KMT2A: variants seen among roughly 807,000 people sequenced by gnomAD.
The protein encoded by KMT2A is lysine methyltransferase 2A, also known as histone-lysine N-methyltransferase 2A.
A neutral mutation model predicts 345.3 loss-of-function variants in KMT2A; 16 were observed. That is an observed-to-expected ratio of 0.05 (90% CI 0.03 to 0.07). The LOEUF (loss-of-function observed/expected upper bound fraction) is 0.07, where lower values mean the gene tolerates loss of function less well. Ranked by LOEUF, KMT2A falls within the 10% of genes least tolerant of loss-of-function variation. The pLI, the probability that KMT2A is intolerant of heterozygous loss-of-function variation, is 1.00. For missense variants in KMT2A, 3,272 were observed against 4,841.6 expected (o/e 0.68, Z 9.62); for synonymous variants, 1,599 against 1,778.6 (o/e 0.90, Z 2.54).
intron 30 of KMT2A, among the ~76,000 whole-genome samples, chr11:118,511,696 T>C (rs1265266792): frequency 1.3e-5 from 2 of 152,214 alleles, no homozygotes; most frequent in Non-Finnish European, 2.9e-5. Flanking sequence ...TCAGAGTTCA[T>C]TTCAGAAGGT....
chr11:118,463,474 A>T (rs1949785536), intron 1 of KMT2A, among the ~76,000 whole-genome samples: 1 of 152,240 alleles, frequency 6.6e-6, no homozygotes, highest in South Asian at 2.1e-4. Flanking sequence ...TAATTCAGGA[A>T]AAGAATGAAT....
chr11:118,505,450 C>T lies in KMT2A; in HGVS notation c.9558C>T (p.Gly3186=), dbSNP rs782530588. The T allele has an allele frequency of 1.9e-6, 3 of 1,614,176 alleles. No homozygotes were observed. The South Asian group carries it at 3.3e-5, about 18-fold the overall frequency. Residue 3186 remains glycine, a synonymous_variant, in exon 27 of 36, where the codon GGC becomes GGT. Transcript: ENST00000534358. The surrounding 1 kb of genome is among the most constrained non-coding windows in gnomAD (Gnocchi z 4.6). ...FPPNISNPPS[G]LLIGVQPPPD... is the part of the protein sequence containing the mutation. ...CAAACATCAGCAATCCTCCTTCAGG[C>T]CTGCTTATTGGGGTTCAGCCTCCTC... is the stretch of plus-strand genomic sequence containing the variant.
chr11:118,466,857 C>T (rs1456140643), intron 1 of KMT2A, among the ~76,000 whole-genome samples: 6 of 151,676 alleles, frequency 4.0e-5, no homozygotes, highest in East Asian at 1.9e-4. Flanking sequence ...AAAGAACTTA[C>T]GTGTAAGAAT....
chr11:118,506,476 A>C lies in KMT2A; in HGVS notation c.10584A>C (p.Ser3528=). 2 of 1,614,230 alleles carry C rather than the reference A, an allele frequency of 1.2e-6. No individual in the cohort carries two copies. Among genetic ancestry groups the C allele is most frequent in the Non-Finnish European group, 8.5e-7 (1 of 1,180,038 alleles). ...CCTCTCCATCTTCTGGACAGCGGTC[A>C]GCAAGCCCTTCAGTGCCGGGTCCCA... ...SPSSPSSGQR[S]ASPSVPGPTK... is the part of the protein sequence containing the mutation. The change falls in exon 27 of 36, where the codon TCA becomes TCC. Residue 3528 remains serine (S), a synonymous_variant. Coordinates refer to ENST00000534358, the MANE Select transcript of KMT2A (RefSeq NM_001197104.2).
intron 1 of KMT2A, among the ~76,000 whole-genome samples, chr11:118,454,663 C>T (rs782039939): frequency 1.3e-5 from 2 of 152,180 alleles, no homozygotes; most frequent in Non-Finnish European, 2.9e-5. Context: ...AATACACTTA[C>T]AAGCTCGTCG....
At position 118,510,036 on chromosome 11, in the gene KMT2A, T is replaced by A; in HGVS notation, c.10989T>A (p.Ile3663=). 3.1e-6 allele frequency: 5 copies of A among 1,613,924 alleles called. No individual in the cohort carries two copies. Among genetic ancestry groups the A allele is most frequent in the Non-Finnish European group, 4.2e-6 (5 of 1,179,850 alleles). ...LQQEQKRKES[I]TEKKPKKGLV... ...AAGAACAAAAGCGGAAGGAAAGCAT[T>A]ACTGAGAAAAAACCCAAGAAAGGAC... The change falls in exon 30 of 36, where the codon ATT becomes ATA. Residue 3663 remains isoleucine, a synonymous_variant. Coordinates refer to ENST00000534358, the MANE Select transcript of KMT2A (RefSeq NM_001197104.2). The surrounding 1 kb of genome is among the most constrained non-coding windows in gnomAD (Gnocchi z 4.1).
At chr11:118,466,559 A>G (rs566204598) in intron 1 of KMT2A, among the ~76,000 whole-genome samples, 1 of 152,156 alleles carries the variant, frequency 6.6e-6, no homozygotes, top group East Asian at 1.9e-4. Flanking sequence ...TCACGCCTGT[A>G]AATCCCAGCA....
intron 1 of KMT2A, chr11:118,448,675 G>A (rs1255000115): frequency 1.3e-5 from 2 of 152,046 alleles, no homozygotes; most frequent in African/African-American, 4.8e-5. Flanking sequence ...CTTCTTTCAA[G>A]TGAACTGATA....
rs1555043540 is a variant in KMT2A at position 118,494,932 on chromosome 11, G to A, written c.5363+165G>A. Among the ~76,000 whole-genome samples, 1 of 152,062 alleles carries A rather than the reference G, an allele frequency of 6.6e-6. No homozygotes were observed. Among genetic ancestry groups the A allele is most frequent in the Non-Finnish European group, 1.5e-5 (1 of 68,012 alleles). On this transcript the variant is annotated intron_variant, in intron 18 of 35. Transcript: ENST00000534358. This position sits in a 1 kb window ranked among gnomAD's most constrained non-coding sequence, Gnocchi z 5.8. ...GGACTACATTTAATGTTTGTTATAA[G>A]CAATTGCCTTTTTGTTCTTTACTTT... is the stretch of plus-strand genomic sequence containing the variant.
rs1218406308 is a variant in KMT2A, at chr11:118,496,727, A to G, written c.5664+360A>G. The stretch of plus-strand genomic sequence containing the variant: ...AAAAAGCTTGTGTTTCATATAGGAT[A>G]GCAGAATCGTTAAGAGCCCGAGTTC... On this transcript the variant is annotated intron_variant, in intron 20 of 35. Coordinates refer to ENST00000534358, the MANE Select transcript of KMT2A (RefSeq NM_001197104.2). The surrounding 1 kb of genome is among the most constrained non-coding windows in gnomAD (Gnocchi z 4.7). 6.6e-5 allele frequency among the ~76,000 whole-genome samples: 10 copies of G among 152,224 alleles called. No individual in the cohort carries two copies. Among genetic ancestry groups the G allele is most frequent in the Admixed American group, 6.5e-4 (10 of 15,280 alleles).
chr11:118,454,060 A>G (rs1350830021), intron 1 of KMT2A, among the ~76,000 whole-genome samples: 1 of 152,108 alleles, frequency 6.6e-6, no homozygotes, highest in Non-Finnish European at 1.5e-5. Flanking sequence ...AAATTCAACT[A>G]CCTCTCAACA....
In KMT2A at chr11:118,473,872, T is replaced by G; in HGVS notation, c.2713T>G (p.Leu905Val). The change falls in exon 3 of 36, where the codon TTG becomes GTG. Residue 905 changes from leucine to valine, a missense_variant. Leu to Val is a conservative substitution (Grantham distance 32). Transcript: ENST00000534358. The surrounding 1 kb of genome is among the most constrained non-coding windows in gnomAD (Gnocchi z 5.2). Reference protein sequence around the residue: ...KGSEIQSSSALYPVGRVSKEK... With the variant: ...KGSEIQSSSAVYPVGRVSKEK... ...ATCAGAAATTCAGAGTAGTTCTGCT[T>G]TGTATCCTGTGGGTAGGGTTTCCAA... 6.2e-7 allele frequency: 1 copy of G among 1,614,164 alleles called. No individual in the cohort carries two copies. Among genetic ancestry groups the G allele is most frequent in the Non-Finnish European group, 8.5e-7 (1 of 1,180,020 alleles).
At chr11:118,499,492 A>G in intron 23 of KMT2A, 72 bp downstream of exon 23, 1 of 999,386 alleles carries the variant, frequency 1.0e-6, no homozygotes, top group Non-Finnish European at 1.6e-6. Flanking sequence ...TCAGTTATAA[A>G]ATGACCCTCA....
intron 31 of KMT2A, among the ~76,000 whole-genome samples, chr11:118,518,995 G>A (rs1350612026): frequency 4.5e-5 from 6 of 133,312 alleles, no homozygotes; most frequent in East Asian, 2.2e-4. Flanking sequence ...GGAGAATGGC[G>A]TGAACCCGGG....
Position 118,476,698 on chromosome 11 carries a change from G to T in KMT2A, c.3157-107G>T. The stretch of plus-strand genomic sequence containing the variant: ...CAGCTGGGAATAATTAGAGTTGTGT[G>T]TTTTGATTCTAAATCATACTGAAAT... On this transcript the variant is annotated intron_variant, in intron 3 of 35. Coordinates refer to ENST00000534358, the MANE Select transcript of KMT2A (RefSeq NM_001197104.2). This position sits in a 1 kb window ranked among gnomAD's most constrained non-coding sequence, Gnocchi z 4.1. The T allele has an allele frequency of 1.2e-6, 1 of 855,620 alleles. No homozygotes were observed. Among genetic ancestry groups the T allele is most frequent in the Non-Finnish European group, 1.8e-6 (1 of 547,830 alleles). The allele number at this position is 855,620 out of a possible 1,614,324, so 53.0% of individuals were successfully genotyped here.
Position 118,521,210 on chromosome 11 carries a change from G to C in KMT2A, c.11514-78G>C. On this transcript the variant is annotated intron_variant, in intron 34 of 35. Coordinates refer to ENST00000534358, the MANE Select transcript of KMT2A (RefSeq NM_001197104.2). This position sits in a 1 kb window ranked among gnomAD's most constrained non-coding sequence, Gnocchi z 5.3. ...CCCTCCTGGGGAACTAACAGACCAG[G>C]AGAACTTATTCATGTATTCACGCAC... The C allele has an allele frequency of 6.7e-7, 1 of 1,486,232 alleles. No homozygotes were observed. The highest frequency in any genetic ancestry group is 9.3e-7 in the Non-Finnish European group (1 of 1,077,844). 92.1% of individuals were successfully genotyped at this position (1,486,232 alleles called of 1,614,324 possible). A position where few individuals can be genotyped will look rare whatever the true frequency, so the allele number is the denominator to read the frequency against.
rs782310765 is a variant in KMT2A, at chr11:118,503,896, G to A, written c.8004G>A (p.Val2668=). 1.9e-6 allele frequency: 3 copies of A among 1,614,068 alleles called. No homozygotes were observed. The highest frequency in any genetic ancestry group is 2.2e-5 in the South Asian group (2 of 91,088). Residue 2668 remains valine (V), a synonymous_variant, in exon 27 of 36, where the codon GTG becomes GTA. Coordinates refer to ENST00000534358, the MANE Select transcript of KMT2A (RefSeq NM_001197104.2). The surrounding 1 kb of genome is among the most constrained non-coding windows in gnomAD (Gnocchi z 5.3). ...KRGKRSAEGQ[V]DGADDLSTSD... ...GCAAGAGATCAGCTGAAGGACAGGT[G>A]GATGGGGCCGATGACTTAAGCACTT...
At chr11:118,500,480 A>C (rs1205957400) in intron 24 of KMT2A, among the ~76,000 whole-genome samples, 3 of 152,224 alleles carry the variant, frequency 2.0e-5, no homozygotes, top group African/African-American at 7.2e-5. Flanking sequence ...CCTATGACAC[A>C]GTCTGTGCTC....
At chr11:118,475,348 T>G (rs985694869) in intron 3 of KMT2A, among the ~76,000 whole-genome samples, 3 of 152,158 alleles carry the variant, frequency 2.0e-5, no homozygotes, top group African/African-American at 7.2e-5. Context: ...CTTTAGGGTT[T>G]TAAAAAAATC....
Sources: allele counts gnomAD v4.1 joint callset (sites outside exome capture counted in the v4.1 genomes callset), GRCh38; gene constraint gnomAD v4.1.1; non-coding constraint Gnocchi (gnomAD v3.1); transcripts MANE v1.5; gene names NCBI Gene and HGNC (gene_info 2026-07-23, HGNC 2026-07-21).